VPS29: variants seen among roughly 807,000 people sequenced by gnomAD.
VPS29 encodes vacuolar protein sorting-associated protein 29.
VPS29 carries 2 observed loss-of-function variants against 20.0 expected under a neutral mutation model. That is an observed-to-expected ratio of 0.10 (90% CI 0.04 to 0.31). The LOEUF (loss-of-function observed/expected upper bound fraction) is 0.31. Among genes scored for constraint, VPS29 ranks in the 10% least tolerant of loss-of-function variants. The probability of loss-of-function intolerance (pLI) is 1.00; values close to 1 mark genes in which losing one functional copy is unlikely to be tolerated. For missense variants in VPS29, 120 were observed against 215.3 expected (o/e 0.56, Z 2.77); for synonymous variants, 81 against 79.3 (o/e 1.02, Z -0.12).
At chr12:110,495,930 A>G in intron 2 of VPS29, 82 bp downstream of exon 2, 1 of 1,319,656 alleles carries the variant, frequency 7.6e-7, no homozygotes, top group Non-Finnish European at 1.0e-6. Flanking sequence ...ACCAGTTGAG[A>G]AACCCTGGTC....
At chr12:110,501,784 G>A (rs1043884105) in intron 1 of VPS29, 41 of 1,081,074 alleles carry the variant, frequency 3.8e-5, no homozygotes, top group Non-Finnish European at 5.2e-5. Context: ...GTGACAGGTC[G>A]GGCTGCTAGA....
chr12:110,495,727 A>G (rs2062895882), intron 2 of VPS29, among the ~76,000 whole-genome samples: 1 of 152,032 alleles, frequency 6.6e-6, no homozygotes, highest in Admixed American at 6.6e-5. Context: ...AAAACAAACA[A>G]AAAAAACTTT....
chr12:110,495,202 TA>T (rs2062885589), intron 2 of VPS29, among the ~76,000 whole-genome samples: 1 of 152,138 alleles, frequency 6.6e-6, no homozygotes, highest in Non-Finnish European at 1.5e-5. Flanking sequence ...TCATGCCCTA[TA>T]AAGTCAGCCT....
At chr12:110,501,164 C>G (rs1315157048) in intron 1 of VPS29, among the ~76,000 whole-genome samples, 9 of 151,996 alleles carry the variant, frequency 5.9e-5, no homozygotes, top group Non-Finnish European at 7.4e-5. Context: ...GGCGACAGAG[C>G]GAGACTCCAT....
intron 1 of VPS29, among the ~76,000 whole-genome samples, chr12:110,499,828 T>C (rs755370527): frequency 7.9e-5 from 12 of 152,184 alleles, no homozygotes; most frequent in Non-Finnish European, 1.8e-4. Flanking sequence ...TTCTCCTACT[T>C]TTCCTAATCT....
intron 1 of VPS29, among the ~76,000 whole-genome samples, chr12:110,497,460 A>G (rs113449906): frequency 6.6e-5 from 10 of 151,366 alleles, no homozygotes; most frequent in African/African-American, 2.4e-4. Flanking sequence ...CAGGTGATCC[A>G]CCTGCCTCCG....
intron 3 of VPS29, 86 bp downstream of exon 3, chr12:110,492,910 G>C: frequency 8.0e-7 from 1 of 1,257,190 alleles, no homozygotes; most frequent in Non-Finnish European, 1.1e-6. Context: ...ATGAGCCACT[G>C]TGCCCAGCCA....
intron 1 of VPS29, among the ~76,000 whole-genome samples, chr12:110,500,783 T>A (rs2063005875): frequency 1.3e-5 from 2 of 150,750 alleles, no homozygotes; most frequent in African/African-American, 2.4e-5. Flanking sequence ...AGCAGCAAGA[T>A]TTATTGTGAA....
chr12:110,491,738 G>A lies in VPS29; in HGVS notation c.*267C>T, dbSNP rs1281421723. On this transcript the variant is annotated 3_prime_UTR_variant, in exon 4 of 4. Transcript: ENST00000549578. The stretch of plus-strand genomic sequence containing the variant: ...TAAAGTTCCAAATATCAACTTTGAA[G>A]ATACTTACAAGGATAAATTTTTCTT... 1 of 310,898 alleles carries A rather than the reference G, an allele frequency of 3.2e-6. No homozygotes were observed. The highest frequency in any genetic ancestry group is 2.2e-5 in the African/African-American group (1 of 45,578). The allele number at this position is 310,898 out of a possible 1,614,324, so 19.3% of individuals were successfully genotyped here.
chr12:110,491,979 C>G lies in VPS29; in HGVS notation c.*26G>C, dbSNP rs1343518465. Reference sequence around the variant, plus strand: ...TTTCAACAGGACAATGAAAAAAAACCAAAAATCATCAAGACAGGCCTGGCT... The same window carrying G: ...TTTCAACAGGACAATGAAAAAAAACGAAAAATCATCAAGACAGGCCTGGCT... On this transcript the variant is annotated 3_prime_UTR_variant, in exon 4 of 4. Coordinates refer to ENST00000549578, the MANE Select transcript of VPS29 (RefSeq NM_016226.5). The G allele has an allele frequency of 6.3e-7, 1 of 1,585,098 alleles. No homozygotes were observed. The highest frequency in any genetic ancestry group is 8.6e-7 in the Non-Finnish European group (1 of 1,160,228).
chr12:110,493,358 A>T, intron 2 of VPS29, 127 bp from the exon 3 acceptor site: 1 of 618,060 alleles, frequency 1.6e-6, no homozygotes, highest in Non-Finnish European at 2.4e-6. Context: ...ACACACATTT[A>T]TACATTTTTT....
chr12:110,496,325 A>C, intron 1 of VPS29, 122 bp from the exon 2 acceptor site: 5 of 843,472 alleles, frequency 5.9e-6, no homozygotes, highest in Non-Finnish European at 8.7e-6. Flanking sequence ...AATTATTCAT[A>C]GGGTTCCTAT....
At chr12:110,501,358 A>G in intron 1 of VPS29, 1 of 1,533,600 alleles carries the variant, frequency 6.5e-7, no homozygotes, top group Non-Finnish European at 8.7e-7. Flanking sequence ...AAAAATGTGT[A>G]TATTCACAAA....
At position 110,491,953 on chromosome 12, in the gene VPS29, A is replaced by G; in HGVS notation, c.*52T>C. On this transcript the variant is annotated 3_prime_UTR_variant, in exon 4 of 4. Coordinates refer to ENST00000549578, the MANE Select transcript of VPS29 (RefSeq NM_016226.5). ...TGGCTCTTAAATGTTTAATTACTTG[A>G]TTTCAACAGGACAATGAAAAAAAAC... 1 of 1,335,310 alleles carries G rather than the reference A, an allele frequency of 7.5e-7. No individual in the cohort carries two copies. Among genetic ancestry groups the G allele is most frequent in the Non-Finnish European group, 1.1e-6 (1 of 938,804 alleles). 82.7% of individuals were successfully genotyped at this position (1,335,310 alleles called of 1,614,324 possible).
chr12:110,501,817 G>A, intron 1 of VPS29: 1 of 1,163,162 alleles, frequency 8.6e-7, no homozygotes, highest in Non-Finnish European at 1.2e-6. Context: ...CCCCTTGGAT[G>A]GCCTCTGGCC....
chr12:110,498,497 AATGT>A (rs2062944103), intron 1 of VPS29, among the ~76,000 whole-genome samples: 1 of 152,206 alleles, frequency 6.6e-6, no homozygotes, highest in African/African-American at 2.4e-5. Context: ...AAACAAACAA[AATGT>A]ATGAAATTAA....
At chr12:110,496,697 G>T (rs900270757) in intron 1 of VPS29, 2 of 152,032 alleles carry the variant, frequency 1.3e-5, no homozygotes, top group African/African-American at 4.8e-5. Flanking sequence ...AACATGAAAT[G>T]ATATATTAAT....
chr12:110,495,910 A>G, intron 2 of VPS29, 102 bp downstream of exon 2: 1 of 1,169,674 alleles, frequency 8.5e-7, no homozygotes, highest in South Asian at 2.5e-5. Context: ...GGGAAAAAAA[A>G]AAAAACCTTA....
intron 1 of VPS29, 87 bp from the exon 2 acceptor site, chr12:110,496,290 C>T: frequency 8.3e-7 from 1 of 1,204,958 alleles, no homozygotes. Flanking sequence ...CCTTTTAAGT[C>T]TCATAAGAGA....
Sources: gnomAD v4.1 joint callset for allele counts (sites outside exome capture counted in the v4.1 genomes callset) on GRCh38, gnomAD v4.1.1 for gene constraint, MANE v1.5 for transcripts, NCBI Gene and HGNC (gene_info 2026-07-23, HGNC 2026-07-21) for gene names.